The following SNX25 variants were observed in gnomAD, a reference collection of about 807,000 sequenced individuals.
The protein encoded by SNX25 is sorting nexin 25, also known as sorting nexin-25.
SNX25 carries 62 observed loss-of-function variants against 113.7 expected under a neutral mutation model. That is an observed-to-expected ratio of 0.55 (90% CI 0.44 to 0.67). The LOEUF is 0.67. SNX25 is among the 30% of genes least tolerant of loss of function. The pLI is 0.00. For missense variants in SNX25, 1,014 were observed against 1,161.0 expected (o/e 0.87, Z 1.84); for synonymous variants, 421 against 436.2 (o/e 0.97, Z 0.43).
Position 185,210,125 on chromosome 4 carries a change from G to A in SNX25, c.299G>A (p.Cys100Tyr), listed in dbSNP as rs1488612613. The A allele has an allele frequency of 3.0e-6, 3 of 984,008 alleles. No homozygotes were observed. The highest frequency in any genetic ancestry group is 9.4e-5 in the South Asian group (2 of 21,300). The allele number at this position is 984,008 out of a possible 1,614,324, so 61.0% of individuals were successfully genotyped here. A position where few individuals can be genotyped will look rare whatever the true frequency, so the allele number is the denominator to read the frequency against. The change falls in exon 1 of 19, where the codon TGC (cysteine) becomes TAC (tyrosine). Residue 100 changes from cysteine (C) to tyrosine (Y), a missense_variant. Transcript: ENST00000652585. The surrounding 1 kb of genome is among the most constrained non-coding windows in gnomAD (Gnocchi z 4.4). ...VLFRLSLYLS[C>Y]AAAAFLLGIL... ...TTCAGGCTCAGCCTGTACCTGAGCT[G>A]CGCGGCGGCCGCCTTCCTGCTGGGG...
In SNX25 at chr4:185,258,871, T is replaced by C; in HGVS notation, c.538T>C (p.Tyr180His). Residue 180 changes from tyrosine (Y) to histidine (H), a missense_variant, in exon 3 of 19, where the codon TAC becomes CAC. By Grantham distance (83) the Tyr-to-His change is moderately conservative. Transcript: ENST00000652585. ...KEVFDYSYRD[Y>H]ILSWYGNLSR... Reference sequence around the variant, plus strand: ...AGTGTTCGACTACAGTTATAGAGATTACATTCTGTCCTGGTATGGAAACCT... The same window carrying C: ...AGTGTTCGACTACAGTTATAGAGATCACATTCTGTCCTGGTATGGAAACCT... 6.2e-7 allele frequency: 1 copy of C among 1,613,974 alleles called. No homozygotes were observed. The highest frequency in any genetic ancestry group is 1.1e-5 in the South Asian group (1 of 91,078).
chr4:185,280,984 T>G (rs1011427003), intron 5 of SNX25, among the ~76,000 whole-genome samples: 1 of 152,214 alleles, frequency 6.6e-6, no homozygotes, highest in Admixed American at 6.5e-5. Context: ...CTTGGGCCTA[T>G]CAAAATGCTG....
intron 5 of SNX25, among the ~76,000 whole-genome samples, chr4:185,271,998 T>C (rs1748999064): frequency 6.6e-6 from 1 of 152,220 alleles, no homozygotes; most frequent in East Asian, 1.9e-4. Context: ...TTTAAAAAAG[T>C]AAGTTGTATA....
At chr4:185,304,750 C>G (rs775997137) in intron 6 of SNX25, among the ~76,000 whole-genome samples, 1 of 152,074 alleles carries the variant, frequency 6.6e-6, no homozygotes, top group African/African-American at 2.4e-5. Context: ...CAGCCCTGCA[C>G]AGTGCTGGTA....
intron 9 of SNX25, among the ~76,000 whole-genome samples, chr4:185,326,706 A>G (rs916663902): frequency 1.3e-5 from 2 of 152,222 alleles, no homozygotes; most frequent in African/African-American, 4.8e-5. Context: ...ATATGATTTT[A>G]TACCAAATAA....
intron 6 of SNX25, among the ~76,000 whole-genome samples, chr4:185,301,897 C>T (rs1029448944): frequency 2.8e-5 from 4 of 144,850 alleles, no homozygotes; most frequent in South Asian, 2.2e-4. Flanking sequence ...CTTAGTCACA[C>T]GTTTTTTCTT....
At chr4:185,344,589 G>A (rs561285305) in intron 12 of SNX25, among the ~76,000 whole-genome samples, 2 of 152,196 alleles carry the variant, frequency 1.3e-5, no homozygotes, top group Non-Finnish European at 2.9e-5. Context: ...ATTTCAGAAT[G>A]AAAGGAAACA....
intron 13 of SNX25, among the ~76,000 whole-genome samples, chr4:185,349,730 G>T (rs1158439105): frequency 1.3e-5 from 2 of 151,586 alleles, no homozygotes; most frequent in Non-Finnish European, 2.9e-5. Flanking sequence ...TGGGATTATT[G>T]TGTGTGTGTG....
the SNX25 span, chr4:185,375,537 TATAA>T: frequency 2.4e-5 from 5 of 207,948 alleles, no homozygotes; most frequent in East Asian, 1.2e-4. Flanking sequence ...TGTATTAAAA[TATAA>T]ATAATTTTAA....
At chr4:185,323,019 A>G (rs1052528060) in intron 8 of SNX25, among the ~76,000 whole-genome samples, 4 of 152,234 alleles carry the variant, frequency 2.6e-5, no homozygotes, top group African/African-American at 9.6e-5. Context: ...ACACAGGCTC[A>G]TTGCTGAAGA....
intron 6 of SNX25, among the ~76,000 whole-genome samples, chr4:185,298,965 T>C (rs1579679241): frequency 6.6e-6 from 1 of 152,124 alleles, no homozygotes; most frequent in African/African-American, 2.4e-5. Context: ...TTGAGTACCA[T>C]TGTGTATTAG....
chr4:185,226,205 T>C (rs1212343464), intron 1 of SNX25, among the ~76,000 whole-genome samples: 1 of 152,212 alleles, frequency 6.6e-6, no homozygotes, highest in East Asian at 1.9e-4. Flanking sequence ...GAGAACCTAG[T>C]AGAATGGCGG....
chr4:185,329,909 G>A (rs2095182486), intron 9 of SNX25, among the ~76,000 whole-genome samples: 1 of 152,058 alleles, frequency 6.6e-6, no homozygotes, highest in African/African-American at 2.4e-5. Flanking sequence ...TGGGTGGGTG[G>A]CCAGAGACTC....
chr4:185,301,577 TTTTTTATTAC>T (rs1049345685), intron 6 of SNX25, among the ~76,000 whole-genome samples: 11 of 151,706 alleles, frequency 7.3e-5, no homozygotes, highest in African/African-American at 2.7e-4. Context: ...CTAGTCAGAC[TTTTTTATTAC>T]TTTTTATTTT....
chr4:185,358,801 G>A (rs577120157), intron 16 of SNX25, among the ~76,000 whole-genome samples: 30 of 152,178 alleles, frequency 2.0e-4, no homozygotes, highest in African/African-American at 7.0e-4. Context: ...ATGAGTCAAC[G>A]TCTAGAAATT....
Position 185,209,675 on chromosome 4 carries a change from G to T in SNX25, c.-152G>T, listed in dbSNP as rs1579288850. Among the ~76,000 whole-genome samples the T allele has an allele frequency of 6.6e-6, 1 of 151,430 alleles. No individual in the cohort carries two copies. Among genetic ancestry groups the T allele is most frequent in the Non-Finnish European group, 1.5e-5 (1 of 67,772 alleles). Reference sequence around the variant, plus strand: ...CCAGCGCCTGGTGGCGGCGCTGAGGGGTCGCCGAGAGGGGCCCGGCGGCGT... The same window carrying T: ...CCAGCGCCTGGTGGCGGCGCTGAGGTGTCGCCGAGAGGGGCCCGGCGGCGT... On this transcript the variant is annotated 5_prime_UTR_variant, in exon 1 of 19. Coordinates refer to ENST00000652585, the MANE Select transcript of SNX25 (RefSeq NM_001378034.2). This position sits in a 1 kb window ranked among gnomAD's most constrained non-coding sequence, Gnocchi z 5.2.
At chr4:185,341,039 G>T (rs554434494) in intron 11 of SNX25, among the ~76,000 whole-genome samples, 1 of 152,332 alleles carries the variant, frequency 6.6e-6, no homozygotes, top group South Asian at 2.1e-4. Context: ...GCCTCACAGA[G>T]TGGGTGCTCA....
intron 6 of SNX25, among the ~76,000 whole-genome samples, chr4:185,301,747 C>T (rs564046173): frequency 2.0e-5 from 3 of 151,936 alleles, no homozygotes; most frequent in African/African-American, 7.2e-5. Flanking sequence ...CCAGCACGCT[C>T]GGCTAATTTT....
intron 5 of SNX25, among the ~76,000 whole-genome samples, chr4:185,271,013 C>A (rs556981957): frequency 5.9e-5 from 9 of 152,300 alleles, no homozygotes; most frequent in African/African-American, 2.2e-4. Context: ...TGACTGTTTA[C>A]AAGTGAGAGT....
Sources: allele counts gnomAD v4.1 joint callset (sites outside exome capture counted in the v4.1 genomes callset), GRCh38; gene constraint gnomAD v4.1.1; non-coding constraint Gnocchi (gnomAD v3.1); transcripts MANE v1.5; gene names NCBI Gene and HGNC (gene_info 2026-07-23, HGNC 2026-07-21).